The following LMBRD2 variants were observed in gnomAD, a reference collection of about 807,000 sequenced individuals.
The protein encoded by LMBRD2 is G protein-coupled receptor-associated protein LMBRD2.
A neutral mutation model predicts 94.4 loss-of-function variants in LMBRD2; 55 were observed. That is an observed-to-expected ratio of 0.58 (90% CI 0.47 to 0.73). The LOEUF (loss-of-function observed/expected upper bound fraction) is 0.73. LMBRD2 is among the 30% of genes least tolerant of loss of function. The pLI is 0.00. For missense variants in LMBRD2, 640 were observed against 831.9 expected, an observed-to-expected ratio of 0.77 and a Z score of 2.84; for synonymous variants, 246 against 272.4, an observed-to-expected ratio of 0.90 and a Z score of 0.95.
chr5:36,109,062 T>C (rs1383961667), intron 15 of LMBRD2, among the ~76,000 whole-genome samples: 1 of 152,182 alleles, frequency 6.6e-6, no homozygotes, highest in Non-Finnish European at 1.5e-5. Flanking sequence ...AATTAGCCTA[T>C]GACTCACACG....
intron 4 of LMBRD2, among the ~76,000 whole-genome samples, chr5:36,139,002 G>A (rs959563994): frequency 6.6e-6 from 1 of 152,194 alleles, no homozygotes; most frequent in African/African-American, 2.4e-5. Context: ...GAGCTAGCAG[G>A]AGCTGGGAAG....
intron 6 of LMBRD2, among the ~76,000 whole-genome samples, chr5:36,132,669 A>C (rs1242249537): frequency 6.6e-6 from 1 of 151,280 alleles, no homozygotes; most frequent in Admixed American, 6.6e-5. Context: ...TTTCTCAAAA[A>C]AAAAAAAAAA....
At chr5:36,134,067 A>AT (rs1189803998) in intron 6 of LMBRD2, among the ~76,000 whole-genome samples, 3 of 152,116 alleles carry the variant, frequency 2.0e-5, no homozygotes, top group African/African-American at 4.8e-5. Context: ...TCAGTTTTCA[A>AT]TTTTTTCAAA....
At chr5:36,126,492 C>A (rs1257718613) in intron 6 of LMBRD2, among the ~76,000 whole-genome samples, 2 of 152,076 alleles carry the variant, frequency 1.3e-5, no homozygotes, top group African/African-American at 4.8e-5. Flanking sequence ...TTGTCAAATT[C>A]TTTTCTAAGC....
chr5:36,109,963 T>A lies in LMBRD2; in HGVS notation c.1773A>T (p.Glu591Asp), dbSNP rs150159609. 6.2e-7 allele frequency: 1 copy of A among 1,607,500 alleles called. No homozygotes were observed. Residue 591 changes from glutamate (E) to aspartate (D), a missense_variant, in exon 15 of 18, where the codon GAA (glutamate) becomes GAT (aspartate). Physicochemically the swap from Glu to Asp is conservative, Grantham distance 45 (BLOSUM62 2). This residue lies in a region of LMBRD2 where 183 missense variants were observed against 189.1 expected (regional missense o/e 0.97). Coordinates refer to ENST00000296603, the MANE Select transcript of LMBRD2 (RefSeq NM_001007527.2). ...KEKRKRQRQE[E>D]GENRRREWKE... ...TACTTACTCTTCTTCGATTTTCACC[T>A]TCTTCTTGCCTTTGCCTTTTTCTCT...
chr5:36,122,221 C>G, intron 9 of LMBRD2, 59 bp downstream of exon 9: 1 of 1,269,594 alleles, frequency 7.9e-7, no homozygotes, highest in Non-Finnish European at 1.1e-6. Context: ...AAATACATAA[C>G]TTCTTTCTAC....
Position 36,100,654 on chromosome 5 carries a change from T to C in LMBRD2, c.*3392A>G, listed in dbSNP as rs1437921191. ...ATTACATTTGATGATTCAAGTACGC[T>C]AAGATTTTTCAGGGACATATTTTGT... On this transcript the variant is annotated 3_prime_UTR_variant, in exon 18 of 18. Coordinates refer to ENST00000296603, the MANE Select transcript of LMBRD2 (RefSeq NM_001007527.2). The C allele has an allele frequency of 6.6e-6, 1 of 152,080 alleles. No individual in the cohort carries two copies. Among genetic ancestry groups the C allele is most frequent in the Non-Finnish European group, 1.5e-5 (1 of 67,974 alleles). The allele number at this position is 152,080 out of a possible 1,614,324, so 9.4% of individuals were successfully genotyped here. A position where few individuals can be genotyped will look rare whatever the true frequency, so the allele number is the denominator to read the frequency against.
intron 8 of LMBRD2, 116 bp from the exon 9 acceptor site, chr5:36,122,579 TG>T: frequency 1.1e-6 from 1 of 927,658 alleles, no homozygotes. Context: ...GGGCATTTAC[TG>T]GGTCAGGCTG....
chr5:36,116,160 A>C (rs1743739530), intron 11 of LMBRD2, among the ~76,000 whole-genome samples: 1 of 152,158 alleles, frequency 6.6e-6, no homozygotes, highest in Non-Finnish European at 1.5e-5. Flanking sequence ...TCTAGGTCTG[A>C]CTTAGTCTCT....
intron 14 of LMBRD2, among the ~76,000 whole-genome samples, chr5:36,110,446 T>C (rs986100460): frequency 2.0e-5 from 3 of 152,036 alleles, no homozygotes; most frequent in African/African-American, 7.2e-5. Flanking sequence ...CCTTCTAATT[T>C]ATCAGTCTTA....
rs760198682 is a variant in LMBRD2 at position 36,142,511 on chromosome 5, G to C, written c.263C>G (p.Pro88Arg). 1.9e-6 allele frequency: 3 copies of C among 1,583,910 alleles called. No individual in the cohort carries two copies. Among genetic ancestry groups the C allele is most frequent in the Non-Finnish European group, 2.6e-6 (3 of 1,152,734 alleles). Residue 88 changes from proline to arginine, a missense_variant, in exon 3 of 18, where the codon CCT becomes CGT. By Grantham distance (103) the Pro-to-Arg change is moderately radical. This residue lies in a region of LMBRD2 where 457 missense variants were observed against 642.8 expected (regional missense o/e 0.71). Transcript: ENST00000296603. ...TTAAAAAAGGAAATACCTTGGAACA[G>C]GGTTAGCAGTTGCGTACAATCCTGT... is the stretch of plus-strand genomic sequence containing the variant. Reference protein sequence around the residue: ...NITGLYATANPVPSQHPCFKP... With the variant: ...NITGLYATANRVPSQHPCFKP...
At chr5:36,143,068 A>T in intron 2 of LMBRD2, 108 bp downstream of exon 2, 1 of 815,072 alleles carries the variant, frequency 1.2e-6, no homozygotes, top group Non-Finnish European at 1.9e-6. Context: ...ATAATCTTTT[A>T]ATTCAAAACT....
At chr5:36,111,785 A>C (rs1743613686) in intron 13 of LMBRD2, among the ~76,000 whole-genome samples, 1 of 152,112 alleles carries the variant, frequency 6.6e-6, no homozygotes, top group South Asian at 2.1e-4. Context: ...ATTTCTTAAG[A>C]TCCAACTATA....
intron 6 of LMBRD2, among the ~76,000 whole-genome samples, chr5:36,124,913 T>A (rs533140059): frequency 6.6e-6 from 1 of 151,994 alleles, no homozygotes; most frequent in African/African-American, 2.4e-5. Context: ...GCCAGTCTCA[T>A]AACCTGGTCT....
intron 1 of LMBRD2, among the ~76,000 whole-genome samples, chr5:36,150,865 A>G (rs1487192303): frequency 6.6e-6 from 1 of 152,222 alleles, no homozygotes. Context: ...GGGAGGTTTA[A>G]TTTCACTACA....
intron 4 of LMBRD2, among the ~76,000 whole-genome samples, chr5:36,137,687 A>G (rs1744303909): frequency 6.6e-6 from 1 of 152,230 alleles, no homozygotes; most frequent in African/African-American, 2.4e-5. Context: ...ATTCAAAGAA[A>G]ACATTTTTGA....
At chr5:36,142,709 C>T (rs1371643939) in intron 2 of LMBRD2, 110 bp from the exon 3 acceptor site, 3 of 557,372 alleles carry the variant, frequency 5.4e-6, no homozygotes, top group Admixed American at 3.4e-5. Context: ...CTTGGCTATG[C>T]TTTATTCTTT....
intron 1 of LMBRD2, among the ~76,000 whole-genome samples, chr5:36,147,336 G>T (rs1325583019): frequency 1.3e-5 from 2 of 152,064 alleles, no homozygotes; most frequent in Non-Finnish European, 2.9e-5. Flanking sequence ...CAAGGTTTAG[G>T]GAAGAAGGAG....
intron 1 of LMBRD2, among the ~76,000 whole-genome samples, chr5:36,148,805 CAT>C (rs1744617023): frequency 6.6e-6 from 1 of 152,188 alleles, no homozygotes; most frequent in Admixed American, 6.5e-5. Context: ...CTAATCTAGA[CAT>C]AGTTTCTTAA....
Sources: gnomAD v4.1 joint callset for allele counts (sites outside exome capture counted in the v4.1 genomes callset) on GRCh38, gnomAD v4.1.1 for gene constraint, gnomAD v4.1.1 regional missense constraint, MANE v1.5 for transcripts, NCBI Gene and HGNC (gene_info 2026-07-23, HGNC 2026-07-21) for gene names.